The following KIRREL1 variants were observed in gnomAD, a reference collection of about 807,000 sequenced individuals.
The protein encoded by KIRREL1 is kin of IRRE-like protein 1.
Under a neutral mutation model 83.3 loss-of-function variants are expected in KIRREL1, and 25 were observed. The observed-to-expected ratio is 0.30, with a 90% confidence interval of 0.22 to 0.42. The LOEUF is 0.42. KIRREL1 is among the 10% of genes least tolerant of loss of function. KIRREL1 has a pLI of 1.00. For synonymous variants in KIRREL1, 388 were observed against 410.4 expected, an observed-to-expected ratio of 0.95 and a Z score of 0.66; for missense variants, 812 against 1,032.3, an observed-to-expected ratio of 0.79 and a Z score of 2.92.
intron 4 of KIRREL1, among the ~76,000 whole-genome samples, 199 bp from the exon 5 acceptor site, chr1:158,086,397 A>C (rs1401683819): frequency 6.7e-6 from 1 of 149,762 alleles, no homozygotes; most frequent in Non-Finnish European, 1.5e-5. Context: ...CTTTTAATTA[A>C]AAGATAATTA....
rs1191938239 is a variant in KIRREL1 at position 158,081,239 on chromosome 1, GTC to G, written c.352+3103_352+3104del. On this transcript the variant is annotated intron_variant, in intron 3 of 14. Coordinates refer to ENST00000359209, the MANE Select transcript of KIRREL1 (RefSeq NM_018240.7). ...GCTCTGCCCTCTAACTCACTCTCCTGTCTCTGAGCACATTTGTTTATCCTCTT... is the reference window on the plus strand; with the variant it reads ...GCTCTGCCCTCTAACTCACTCTCCTGTCTGAGCACATTTGTTTATCCTCTT... Among the ~76,000 whole-genome samples, 8 of 97,728 alleles carry G rather than the reference GTC, an allele frequency of 8.2e-5. 1 individual carries two copies. The highest frequency in any genetic ancestry group is 2.8e-4 in the African/African-American group (8 of 28,960). The allele number at this position is 97,728 out of a possible 152,430, so 64.1% of individuals were successfully genotyped here.
At chr1:158,072,383 GC>G (rs1312517125) in intron 1 of KIRREL1, among the ~76,000 whole-genome samples, 3 of 152,138 alleles carry the variant, frequency 2.0e-5, no homozygotes, top group Non-Finnish European at 2.9e-5. Context: ...CAGGCAGCAG[GC>G]CCTGCACCTG....
intron 1 of KIRREL1, among the ~76,000 whole-genome samples, chr1:158,046,677 G>C (rs971741187): frequency 2.0e-5 from 3 of 152,114 alleles, no homozygotes; most frequent in Non-Finnish European, 4.4e-5. Flanking sequence ...TGCAAGACCA[G>C]GTGGGGAAGG....
chr1:158,081,445 G>A (rs1297819602), intron 3 of KIRREL1, among the ~76,000 whole-genome samples: 1 of 152,122 alleles, frequency 6.6e-6, no homozygotes, highest in Non-Finnish European at 1.5e-5. Flanking sequence ...ATTTACAGTT[G>A]GCTTCACCTT....
intron 3 of KIRREL1, among the ~76,000 whole-genome samples, chr1:158,081,362 A>G (rs1369068118): frequency 6.6e-6 from 1 of 152,222 alleles, no homozygotes; most frequent in Non-Finnish European, 1.5e-5. Context: ...ATGAAGTCAT[A>G]TACAGGAGGC....
At chr1:158,057,043 C>G (rs907871723) in intron 1 of KIRREL1, among the ~76,000 whole-genome samples, 2 of 152,092 alleles carry the variant, frequency 1.3e-5, no homozygotes, top group Non-Finnish European at 2.9e-5. Flanking sequence ...GCATTCCTTC[C>G]TTCGTTCATT....
At chr1:158,026,303 C>G (rs1367323006) in intron 1 of KIRREL1, among the ~76,000 whole-genome samples, 1 of 152,186 alleles carries the variant, frequency 6.6e-6, no homozygotes, top group Non-Finnish European at 1.5e-5. Context: ...GGCTTCTTCC[C>G]TCTTCCTGTC....
At chr1:158,057,050 C>G (rs1661085062) in intron 1 of KIRREL1, among the ~76,000 whole-genome samples, 1 of 152,178 alleles carries the variant, frequency 6.6e-6, no homozygotes. Flanking sequence ...TTCCTTCGTT[C>G]ATTCATCAAA....
At position 158,091,444 on chromosome 1, in the gene KIRREL1, A is replaced by G. The variant is rs1467842195; in HGVS notation, c.1359A>G (p.Leu453=). 1 of 1,613,920 alleles carries G rather than the reference A, an allele frequency of 6.2e-7. No individual in the cohort carries two copies. The highest frequency in any genetic ancestry group is 1.3e-5 in the African/African-American group (1 of 74,930). ...GGACCAACTCAGGCAGTGGGGTGCT[A>G]TCCACGCTCACCATCAACAATGTCA... ...VERTNSGSGV[L]STLTINNVME... Residue 453 remains leucine, a synonymous_variant, in exon 11 of 15, where the codon CTA becomes CTG. Coordinates refer to ENST00000359209, the MANE Select transcript of KIRREL1 (RefSeq NM_018240.7).
chr1:158,050,561 A>T (rs555745021), intron 1 of KIRREL1, among the ~76,000 whole-genome samples: 3 of 152,164 alleles, frequency 2.0e-5, no homozygotes, highest in Non-Finnish European at 4.4e-5. Flanking sequence ...GAATGTGCCC[A>T]TTAAAGCCAG....
chr1:158,085,970 A>G (rs902589154), intron 4 of KIRREL1, among the ~76,000 whole-genome samples: 1 of 152,206 alleles, frequency 6.6e-6, no homozygotes, highest in Non-Finnish European at 1.5e-5. Context: ...ATAAGGGCAT[A>G]AATTCAGTCT....
At chr1:158,014,451 C>T (rs1404684749) in intron 1 of KIRREL1, among the ~76,000 whole-genome samples, 1 of 152,186 alleles carries the variant, frequency 6.6e-6, no homozygotes, top group African/African-American at 2.4e-5. Flanking sequence ...TTGTCCGGGA[C>T]TCTGCCTGAG....
At position 158,094,482 on chromosome 1, in the gene KIRREL1, TG is replaced by T; in HGVS notation, c.1797+96del. The stretch of plus-strand genomic sequence containing the variant: ...CGGGGAGGTGAGGTGAGGACAGACT[TG>T]GGGAGGAGTGGTTGGGAGGGTTTTT... On this transcript the variant is annotated intron_variant, in intron 14 of 14. Transcript: ENST00000359209. The surrounding 1 kb of genome is among the most constrained non-coding windows in gnomAD (Gnocchi z 4.6). 7.3e-7 allele frequency: 1 copy of T among 1,366,516 alleles called. No homozygotes were observed. Among genetic ancestry groups the T allele is most frequent in the Non-Finnish European group, 1.0e-6 (1 of 960,490 alleles). The allele number at this position is 1,366,516 out of a possible 1,614,324, so 84.6% of individuals were successfully genotyped here. A position where few individuals can be genotyped will look rare whatever the true frequency, so the allele number is the denominator to read the frequency against.
chr1:158,043,056 C>A (rs1244673367), intron 1 of KIRREL1, among the ~76,000 whole-genome samples: 3 of 149,138 alleles, frequency 2.0e-5, no homozygotes, highest in African/African-American at 7.4e-5. Context: ...CCACTGCACT[C>A]CAGCCTGGGC....
chr1:158,081,681 C>T (rs1661862573), intron 3 of KIRREL1, among the ~76,000 whole-genome samples: 1 of 152,162 alleles, frequency 6.6e-6, no homozygotes, highest in African/African-American at 2.4e-5. Context: ...CAGCAGGCAC[C>T]TTAACAGCTT....
At chr1:158,043,841 C>T (rs371379646) in intron 1 of KIRREL1, among the ~76,000 whole-genome samples, 6 of 152,296 alleles carry the variant, frequency 3.9e-5, no homozygotes, top group East Asian at 3.9e-4. Context: ...GATGCTTTGA[C>T]GCCACAAAGG....
intron 1 of KIRREL1, among the ~76,000 whole-genome samples, chr1:158,045,080 C>T (rs1024456157): frequency 1.6e-4 from 25 of 152,146 alleles, no homozygotes; most frequent in South Asian, 8.3e-4. Context: ...GCAGAGGGAA[C>T]AGCAGAGGCA....
intron 1 of KIRREL1, among the ~76,000 whole-genome samples, chr1:158,002,689 A>G (rs765680689): frequency 2.0e-5 from 3 of 152,142 alleles, no homozygotes; most frequent in Non-Finnish European, 4.4e-5. Flanking sequence ...AAAGGTTGTG[A>G]GAGAGGTATG....
At position 158,095,190 on chromosome 1, in the gene KIRREL1, CA is replaced by C; in HGVS notation, c.*71del. ...GCTTTCACAGCTGTTCCCTGATATT[CA>C]GGGGCATTGCTCATTGCTCCCTTCT... On this transcript the variant is annotated 3_prime_UTR_variant, in exon 15 of 15. Coordinates refer to ENST00000359209, the MANE Select transcript of KIRREL1 (RefSeq NM_018240.7). 3 of 1,125,620 alleles carry C rather than the reference CA, an allele frequency of 2.7e-6. No homozygotes were observed. In the South Asian group the frequency reaches 4.6e-5, roughly 17 times the overall value. 69.7% of individuals were successfully genotyped at this position (1,125,620 alleles called of 1,614,324 possible).
Sources: gnomAD v4.1 joint callset for allele counts (sites outside exome capture counted in the v4.1 genomes callset) on GRCh38, gnomAD v4.1.1 for gene constraint, Gnocchi (gnomAD v3.1) non-coding constraint, MANE v1.5 for transcripts, NCBI Gene and HGNC (gene_info 2026-07-23, HGNC 2026-07-21) for gene names.